Variants in SAMMSON observed in about 807,000 individuals in gnomAD.
SAMMSON encodes the protein survival associated mitochondrial melanoma specific oncogenic non-coding RNA.
At chr3:70,247,596 A>G (rs1398670416) in intron 4 of SAMMSON, among the ~76,000 whole-genome samples, 1 of 151,932 alleles carries the variant, frequency 6.6e-6, no homozygotes, top group Admixed American at 6.6e-5. Context: ...TTAGAATTTT[A>G]ATATATAACA....
chr3:70,422,898 A>G (rs1174272703), intron 2 of SAMMSON, among the ~76,000 whole-genome samples: 2 of 151,984 alleles, frequency 1.3e-5, no homozygotes, highest in African/African-American at 2.4e-5. Context: ...TCTCATTGAT[A>G]CTCAGATTTT....
At chr3:70,035,224 C>G (rs552968912) in intron 3 of SAMMSON, among the ~76,000 whole-genome samples, 2 of 152,118 alleles carry the variant, frequency 1.3e-5, no homozygotes, top group East Asian at 3.9e-4. Flanking sequence ...TGCCTCAGCC[C>G]TATTCCTTAG....
intron 2 of SAMMSON, among the ~76,000 whole-genome samples, chr3:70,434,484 G>T (rs1217782720): frequency 6.6e-6 from 1 of 152,154 alleles, no homozygotes; most frequent in Non-Finnish European, 1.5e-5. Context: ...CTGCAAACTT[G>T]CTGTAATCAC....
At chr3:70,096,956 C>A (rs1468016879) in intron 4 of SAMMSON, among the ~76,000 whole-genome samples, 2 of 152,134 alleles carry the variant, frequency 1.3e-5, no homozygotes, top group Non-Finnish European at 2.9e-5. Flanking sequence ...ATTGAAAATA[C>A]AAATACGACC....
At chr3:70,425,019 G>A (rs1249953876) in intron 2 of SAMMSON, 3 of 152,726 alleles carry the variant, frequency 2.0e-5, no homozygotes. Context: ...GAAGGAGAAG[G>A]AAGAGGAGGA....
chr3:70,201,306 T>G (rs1701235696), intron 4 of SAMMSON, among the ~76,000 whole-genome samples: 1 of 152,174 alleles, frequency 6.6e-6, no homozygotes, highest in Non-Finnish European at 1.5e-5. Context: ...TGTTTGGTTT[T>G]CTGTTTCTGT....
chr3:70,111,046 T>C (rs1217303815), intron 4 of SAMMSON, among the ~76,000 whole-genome samples: 5 of 152,210 alleles, frequency 3.3e-5, no homozygotes, highest in African/African-American at 1.2e-4. Flanking sequence ...GAAGGCCAAG[T>C]TATCAATAAA....
chr3:70,246,540 A>C (rs911416801), intron 4 of SAMMSON, among the ~76,000 whole-genome samples: 5 of 152,082 alleles, frequency 3.3e-5, no homozygotes, highest in African/African-American at 1.2e-4. Context: ...TGCACAATTT[A>C]ATTTGAATTT....
chr3:70,078,914 A>G (rs2067258323), intron 4 of SAMMSON, among the ~76,000 whole-genome samples: 1 of 152,206 alleles, frequency 6.6e-6, no homozygotes, highest in Non-Finnish European at 1.5e-5. Context: ...CACATCTATA[A>G]CAGATGTTGG....
At chr3:70,053,986 T>C (rs2107590031) in intron 3 of SAMMSON, among the ~76,000 whole-genome samples, 1 of 152,244 alleles carries the variant, frequency 6.6e-6, no homozygotes, top group Admixed American at 6.5e-5. Context: ...AACAAGCAAA[T>C]TGTACACTTT....
intron 9 of SAMMSON, among the ~76,000 whole-genome samples, chr3:70,359,429 A>T (rs1379526172): frequency 6.6e-6 from 1 of 152,190 alleles, no homozygotes. Flanking sequence ...ACTATTACTG[A>T]AAAAGAAGAA....
chr3:70,057,010 T>C (rs1224793836), intron 3 of SAMMSON, among the ~76,000 whole-genome samples: 3 of 152,066 alleles, frequency 2.0e-5, no homozygotes, highest in African/African-American at 4.8e-5. Context: ...GTATCTAATC[T>C]ATTTGTGTCC....
chr3:70,089,338 A>C (rs533795777), intron 4 of SAMMSON, among the ~76,000 whole-genome samples: 58 of 152,330 alleles, frequency 3.8e-4, no homozygotes, highest in South Asian at 1.0e-3. Context: ...GCATCAGCAC[A>C]TGCAATCTTC....
At chr3:70,015,765 C>T (rs1036620654) in intron 3 of SAMMSON, among the ~76,000 whole-genome samples, 2 of 152,080 alleles carry the variant, frequency 1.3e-5, no homozygotes, top group Non-Finnish European at 2.9e-5. Flanking sequence ...TTCCTGTGTC[C>T]AAGTGTTCTC....
At chr3:70,036,075 T>C (rs2067084105) in intron 3 of SAMMSON, among the ~76,000 whole-genome samples, 1 of 152,160 alleles carries the variant, frequency 6.6e-6, no homozygotes. Context: ...TTTTAATTTT[T>C]TTAAGCTAAA....
chr3:70,324,176 TATCTATCTATCTATCTATCTATC>T lies in SAMMSON; in HGVS notation n.740-29983_740-29961del, dbSNP rs1436635303. On this transcript the variant is annotated intron_variant and non_coding_transcript_variant, in intron 7 of 9. Transcript: ENST00000642114. ...CTCTCTATCTATCTATCTATCTATC[TATCTATCTATCTATCTATCTATC>T]ATCTATCTATCTATCCACACACACA... 7.6e-4 allele frequency among the ~76,000 whole-genome samples: 78 copies of T among 103,204 alleles called. No individual in the cohort carries two copies. In the South Asian group the frequency reaches 0.022, roughly 29 times the overall value. 67.7% of individuals were successfully genotyped at this position (103,204 alleles called of 152,430 possible). A position where few individuals can be genotyped will look rare whatever the true frequency, so the allele number is the denominator to read the frequency against.
At chr3:70,127,572 A>C (rs1307002081) in intron 4 of SAMMSON, 5 of 152,218 alleles carry the variant, frequency 3.3e-5, no homozygotes. Context: ...AATGGAAGCT[A>C]CTAGGATTGA....
chr3:70,191,363 C>G (rs1234710854), intron 4 of SAMMSON, among the ~76,000 whole-genome samples: 1 of 152,180 alleles, frequency 6.6e-6, no homozygotes, highest in African/African-American at 2.4e-5. Context: ...TGATTAAAAA[C>G]AATTCATGCT....
chr3:70,008,514 C>T (rs2066939672), intron 1 of SAMMSON, among the ~76,000 whole-genome samples: 1 of 152,148 alleles, frequency 6.6e-6, no homozygotes, highest in African/African-American at 2.4e-5. Flanking sequence ...GCTGAAGTTG[C>T]CTATCAGCTT....
Sources: allele counts gnomAD v4.1 joint callset (sites outside exome capture counted in the v4.1 genomes callset), GRCh38; gene constraint gnomAD v4.1.1; transcripts MANE v1.5; gene names NCBI Gene and HGNC (gene_info 2026-07-23, HGNC 2026-07-21).